The following CRYBG1 variants were observed in gnomAD, a reference collection of about 807,000 sequenced individuals.
CRYBG1 encodes the protein beta/gamma crystallin domain-containing protein 1.
CRYBG1 carries 139 observed loss-of-function variants against 189.2 expected under a neutral mutation model. The ratio of observed to expected loss-of-function variants is 0.73; its 90% CI spans 0.64 to 0.85. The LOEUF (loss-of-function observed/expected upper bound fraction) is 0.85. Ranked by LOEUF, CRYBG1 falls within the 40% of genes least tolerant of loss-of-function variation. The pLI is 0.00. For missense variants in CRYBG1, 2,611 were observed against 2,675.8 expected, an observed-to-expected ratio of 0.98 and a Z score of 0.53; for synonymous variants, 1,023 against 1,017.1, an observed-to-expected ratio of 1.01 and a Z score of -0.11.
Position 106,451,792 on chromosome 6 carries a change from C to G in CRYBG1, c.272C>G (p.Ala91Gly). The G allele has an allele frequency of 6.5e-7, 1 of 1,534,854 alleles. No homozygotes were observed. The highest frequency in any genetic ancestry group is 1.4e-5 in the African/African-American group (1 of 73,094). ...ESQFFHTTSE[A>G]LGSLLLESGI... ...CAGTTCTTCCACACCACCAGTGAGG[C>G]GCTTGGTTCCTTACTTCTAGAGTCT... Residue 91 changes from alanine (A) to glycine (G), a missense_variant, in exon 2 of 22, where the codon GCG (alanine) becomes GGG (glycine). This residue lies in a region of CRYBG1 where 985 missense variants were observed against 924.4 expected (regional missense o/e 1.07). Coordinates refer to ENST00000633556, the MANE Select transcript of CRYBG1 (RefSeq NM_001371242.2).
chr6:106,548,870 T>C (rs1018939727), intron 13 of CRYBG1, among the ~76,000 whole-genome samples: 15 of 150,664 alleles, frequency 1.0e-4, no homozygotes, highest in East Asian at 2.0e-4. Context: ...ATTAGGTATA[T>C]CTCCTAATGC....
intron 1 of CRYBG1, among the ~76,000 whole-genome samples, chr6:106,392,525 G>A (rs141289564): frequency 1.1e-4 from 17 of 152,316 alleles, no homozygotes; most frequent in Non-Finnish European, 1.3e-4. Context: ...AGTGCTAAGA[G>A]GGGAGTGGGG....
At chr6:106,431,343 A>G (rs937565732) in intron 1 of CRYBG1, among the ~76,000 whole-genome samples, 1 of 152,176 alleles carries the variant, frequency 6.6e-6, no homozygotes, top group African/African-American at 2.4e-5. Flanking sequence ...TTTAGTGCAG[A>G]TTCTTTCCTC....
At chr6:106,504,179 G>A (rs1366385937) in intron 2 of CRYBG1, among the ~76,000 whole-genome samples, 2 of 152,138 alleles carry the variant, frequency 1.3e-5, no homozygotes, top group African/African-American at 4.8e-5. Context: ...ACAAATATTA[G>A]AAGCAGCATG....
chr6:106,571,995 T>C lies in CRYBG1; in HGVS notation c.*3429T>C. On this transcript the variant is annotated 3_prime_UTR_variant, in exon 22 of 22. Coordinates refer to ENST00000633556, the MANE Select transcript of CRYBG1 (RefSeq NM_001371242.2). ...CAACAATCACTAAACTGCATTTTTATTTAAACAACATTAATTACAGTCTTT... is the reference window on the plus strand; with the variant it reads ...CAACAATCACTAAACTGCATTTTTACTTAAACAACATTAATTACAGTCTTT... The C allele has an allele frequency of 1.2e-6, 2 of 1,609,128 alleles. No individual in the cohort carries two copies. The highest frequency in any genetic ancestry group is 1.7e-6 in the Non-Finnish European group (2 of 1,175,858).
At chr6:106,395,782 A>G (rs544391364) in intron 1 of CRYBG1, among the ~76,000 whole-genome samples, 2 of 151,754 alleles carry the variant, frequency 1.3e-5, no homozygotes, top group Admixed American at 1.3e-4. Context: ...AAGATACTAT[A>G]TATTCAGACC....
Position 106,451,703 on chromosome 6 carries a change from T to C in CRYBG1, c.183T>C (p.Asp61=), listed in dbSNP as rs1482818560. 6.5e-7 allele frequency: 1 copy of C among 1,533,478 alleles called. No homozygotes were observed. The highest frequency in any genetic ancestry group is 1.2e-5 in the South Asian group (1 of 83,696). 95.0% of individuals were successfully genotyped at this position (1,533,478 alleles called of 1,614,324 possible). ...GTTCCGTTCTTTGCAGAGCTTTGGATGTAGTCGATGGAAAATATGTGGTTC... is the reference window on the plus strand; with the variant it reads ...GTTCCGTTCTTTGCAGAGCTTTGGACGTAGTCGATGGAAAATATGTGGTTC... ...PAPAGEARAL[D]VVDGKYVVRD... is the part of the protein sequence containing the mutation. The change falls in exon 2 of 22, where the codon GAT becomes GAC. Residue 61 remains aspartate, a synonymous_variant. Coordinates refer to ENST00000633556, the MANE Select transcript of CRYBG1 (RefSeq NM_001371242.2).
intron 2 of CRYBG1, among the ~76,000 whole-genome samples, chr6:106,461,538 G>A (rs74859451): frequency 0.011 from 1,638 of 152,202 alleles, 27 homozygotes; most frequent in African/African-American, 0.037. Flanking sequence ...AAAACTTGGG[G>A]GTTTGTCTTC....
intron 16 of CRYBG1, among the ~76,000 whole-genome samples, chr6:106,554,751 C>T (rs1381314030): frequency 6.6e-6 from 1 of 152,196 alleles, no homozygotes; most frequent in African/African-American, 2.4e-5. Flanking sequence ...TTTAAAATTA[C>T]CTGTCTCAGC....
At position 106,517,310 on chromosome 6, in the gene CRYBG1, A is replaced by G. The variant is rs1393781235; in HGVS notation, c.1923-1821A>G. Among the ~76,000 whole-genome samples the G allele has an allele frequency of 2.3e-5, 3 of 133,124 alleles. No homozygotes were observed. The East Asian group carries it at 6.1e-4, about 27-fold the overall frequency. 87.3% of individuals were successfully genotyped at this position (133,124 alleles called of 152,430 possible). A position where few individuals can be genotyped will look rare whatever the true frequency, so the allele number is the denominator to read the frequency against. ...TATATATACATATATATATACACAC[A>G]CACACACATATATATATACACATAT... On this transcript the variant is annotated intron_variant, in intron 3 of 21. Coordinates refer to ENST00000633556, the MANE Select transcript of CRYBG1 (RefSeq NM_001371242.2).
chr6:106,393,305 G>C (rs138518231), intron 1 of CRYBG1, among the ~76,000 whole-genome samples: 2 of 152,112 alleles, frequency 1.3e-5, no homozygotes, highest in African/African-American at 4.8e-5. Context: ...TATGGCTGTC[G>C]TGCTCTCTAT....
intron 1 of CRYBG1, among the ~76,000 whole-genome samples, chr6:106,378,220 C>T (rs1319568636): frequency 6.6e-6 from 1 of 152,204 alleles, no homozygotes; most frequent in Non-Finnish European, 1.5e-5. Flanking sequence ...AGACAAAGGG[C>T]AGGATTCACT....
intron 2 of CRYBG1, among the ~76,000 whole-genome samples, chr6:106,461,306 T>C (rs1772004640): frequency 6.6e-6 from 1 of 152,210 alleles, no homozygotes; most frequent in Admixed American, 6.5e-5. Context: ...TTCTAAACCA[T>C]GGGGCAAATA....
chr6:106,376,965 A>T (rs1444469659), intron 1 of CRYBG1, among the ~76,000 whole-genome samples: 1 of 152,210 alleles, frequency 6.6e-6, no homozygotes, highest in African/African-American at 2.4e-5. Flanking sequence ...ACTTACAGAA[A>T]TATAAGCAAA....
At chr6:106,420,464 T>C (rs1750987956) in intron 1 of CRYBG1, among the ~76,000 whole-genome samples, 2 of 151,974 alleles carry the variant, frequency 1.3e-5, no homozygotes, top group Admixed American at 1.3e-4. Context: ...AAAGAGGGAG[T>C]AGAGTAAATG....
At chr6:106,539,576 G>A (rs1312493445) in intron 9 of CRYBG1, 47 bp downstream of exon 9, 1 of 1,573,758 alleles carries the variant, frequency 6.4e-7, no homozygotes, top group Admixed American at 1.8e-5. Flanking sequence ...TTGTCAGCTT[G>A]ACGTGGTAAT....
chr6:106,463,126 C>G (rs986091021), intron 2 of CRYBG1, among the ~76,000 whole-genome samples: 6 of 150,596 alleles, frequency 4.0e-5, no homozygotes, highest in African/African-American at 1.2e-4. Flanking sequence ...TACACTCCAG[C>G]CTGGGTGATA....
At chr6:106,442,984 GTA>G (rs1771592762) in intron 1 of CRYBG1, among the ~76,000 whole-genome samples, 1 of 152,214 alleles carries the variant, frequency 6.6e-6, no homozygotes, top group Non-Finnish European at 1.5e-5. Context: ...AAACCAGACA[GTA>G]CATCAGGAAG....
Position 106,475,878 on chromosome 6 carries a change from G to A in CRYBG1, c.312+24046G>A, listed in dbSNP as rs571719050. 5.7e-4 allele frequency among the ~76,000 whole-genome samples: 87 copies of A among 152,262 alleles called. No homozygotes were observed. The South Asian group carries it at 9.9e-3, about 17-fold the overall frequency. On this transcript the variant is annotated intron_variant, in intron 2 of 21. Coordinates refer to ENST00000633556, the MANE Select transcript of CRYBG1 (RefSeq NM_001371242.2). ...GATCTGACATTTTAAAGAGATACAC[G>A]TTTCCTCTGTCACAGAACTTAAAAC...
Sources: allele counts gnomAD v4.1 joint callset (sites outside exome capture counted in the v4.1 genomes callset), GRCh38; gene constraint gnomAD v4.1.1; regional missense constraint gnomAD v4.1.1; transcripts MANE v1.5; gene names NCBI Gene and HGNC (gene_info 2026-07-23, HGNC 2026-07-21).